Variants in SAP130 observed in about 807,000 individuals in gnomAD.
SAP130 encodes Sin3A associated protein 130.
In SAP130, 16 loss-of-function variants were observed where a neutral mutation model predicts 103.2. The observed-to-expected ratio is 0.16, with a 90% CI of 0.10 to 0.24. The LOEUF is 0.24. Ranked by LOEUF, SAP130 falls within the 10% of genes least tolerant of loss-of-function variation. The probability of loss-of-function intolerance (pLI) is 1.00; values close to 1 mark genes in which losing one functional copy is unlikely to be tolerated. For missense variants in SAP130, 990 were observed against 1,359.7 expected (o/e 0.73, Z 4.28); for synonymous variants, 477 against 497.0 (o/e 0.96, Z 0.53).
intron 4 of SAP130, 141 bp from the exon 5 acceptor site, chr2:128,015,055 T>C (rs1684674338): frequency 1.6e-6 from 1 of 638,380 alleles, no homozygotes; most frequent in South Asian, 1.9e-5. Context: ...GACATTCAGC[T>C]TGAGCTACTT....
intron 1 of SAP130, 83 bp downstream of exon 1, chr2:128,027,857 C>A: frequency 1.1e-6 from 1 of 886,064 alleles, no homozygotes; most frequent in South Asian, 5.2e-5. Flanking sequence ...GGACGCGCAA[C>A]GGGACGGACG....
intron 16 of SAP130, 85 bp downstream of exon 16, chr2:127,954,901 T>C: frequency 9.2e-7 from 1 of 1,089,990 alleles, no homozygotes; most frequent in Non-Finnish European, 1.3e-6. Flanking sequence ...TGGCTGAGGG[T>C]TACAGAAGAA....
chr2:127,969,967 C>A (rs535250986), intron 15 of SAP130, among the ~76,000 whole-genome samples: 3 of 152,056 alleles, frequency 2.0e-5, no homozygotes, highest in Non-Finnish European at 4.4e-5. Context: ...CAGTGGCTCA[C>A]GCCTGTAATA....
chr2:127,957,618 A>G (rs1018081076), intron 15 of SAP130, among the ~76,000 whole-genome samples: 1 of 151,920 alleles, frequency 6.6e-6, no homozygotes, highest in African/African-American at 2.4e-5. Context: ...TGAGGCCGCA[A>G]TGAGTTATGA....
Position 127,945,388 on chromosome 2 carries a change from GAA to G in SAP130, c.2901+66_2901+67del, listed in dbSNP as rs1679004831. 8.5e-6 allele frequency: 8 copies of G among 942,746 alleles called. No homozygotes were observed. In the Admixed American group the frequency reaches 1.5e-4, roughly 18 times the overall value. 58.4% of individuals were successfully genotyped at this position (942,746 alleles called of 1,614,324 possible). A position where few individuals can be genotyped will look rare whatever the true frequency, so the allele number is the denominator to read the frequency against. ...CAGAGTTACTTTTAAAAAGTTCTAT[GAA>G]CTCAGCTATCTGCAGTGTCTTCTCC... On this transcript the variant is annotated intron_variant, in intron 19 of 20. Transcript: ENST00000643581.
At chr2:128,009,850 G>C (rs1684255607) in intron 7 of SAP130, among the ~76,000 whole-genome samples, 1 of 152,076 alleles carries the variant, frequency 6.6e-6, no homozygotes, top group Non-Finnish European at 1.5e-5. Flanking sequence ...CCACTGCCTA[G>C]AATACTCTTC....
At chr2:127,962,163 C>T (rs961517324) in intron 15 of SAP130, among the ~76,000 whole-genome samples, 5 of 152,172 alleles carry the variant, frequency 3.3e-5, no homozygotes, top group African/African-American at 1.2e-4. Flanking sequence ...ACCCAATTAT[C>T]CACAGCTCTT....
chr2:128,014,481 C>A (rs1684630660), intron 5 of SAP130, among the ~76,000 whole-genome samples: 1 of 152,026 alleles, frequency 6.6e-6, no homozygotes, highest in Non-Finnish European at 1.5e-5. Flanking sequence ...GGACTACAGA[C>A]GCATGCCACC....
intron 7 of SAP130, 92 bp from the exon 8 acceptor site, chr2:128,000,546 CTAT>C: frequency 6.9e-7 from 1 of 1,441,190 alleles, no homozygotes; most frequent in African/African-American, 1.4e-5. Context: ...TTTCATAGGT[CTAT>C]GAAGTTCGGA....
chr2:128,006,448 T>C (rs915549788), intron 7 of SAP130, among the ~76,000 whole-genome samples: 4 of 152,222 alleles, frequency 2.6e-5, no homozygotes, highest in Non-Finnish European at 5.9e-5. Context: ...TTATCACTGA[T>C]TTATCTGGCC....
At chr2:127,944,804 AGAG>A (rs1400286929) in intron 19 of SAP130, among the ~76,000 whole-genome samples, 2 of 150,278 alleles carry the variant, frequency 1.3e-5, no homozygotes, top group Non-Finnish European at 3.0e-5. Flanking sequence ...TGCTGAGGTG[AGAG>A]GATTAACTTA....
intron 14 of SAP130, among the ~76,000 whole-genome samples, chr2:127,980,899 A>ACAACAACAG (rs753126108): frequency 4.6e-5 from 7 of 151,450 alleles, no homozygotes; most frequent in Non-Finnish European, 1.0e-4. Flanking sequence ...CCCCATCTCA[A>ACAACAACAG]CAACAACAAC....
intron 15 of SAP130, among the ~76,000 whole-genome samples, chr2:127,976,018 G>C (rs1451981000): frequency 1.3e-5 from 2 of 152,028 alleles, no homozygotes; most frequent in African/African-American, 4.8e-5. Flanking sequence ...CTAATTTTTT[G>C]TGTGTTTTTA....
chr2:128,023,888 T>C (rs1261567653), intron 2 of SAP130, among the ~76,000 whole-genome samples: 1 of 150,356 alleles, frequency 6.7e-6, no homozygotes, highest in African/African-American at 2.4e-5. Context: ...TGAGTTGTTA[T>C]GGAAGATAGA....
intron 15 of SAP130, among the ~76,000 whole-genome samples, chr2:127,972,088 T>C (rs1242115261): frequency 2.0e-5 from 3 of 152,196 alleles, no homozygotes; most frequent in African/African-American, 4.8e-5. Context: ...GTGCCACAGA[T>C]TGACTACTGC....
chr2:128,015,929 A>G (rs1559101321), intron 4 of SAP130, among the ~76,000 whole-genome samples: 1 of 144,642 alleles, frequency 6.9e-6, no homozygotes, highest in Non-Finnish European at 1.5e-5. Context: ...TGACACCGTG[A>G]GATTCTGTCT....
intron 15 of SAP130, among the ~76,000 whole-genome samples, chr2:127,970,211 G>A (rs1345815747): frequency 8.1e-6 from 1 of 123,582 alleles, no homozygotes; most frequent in Admixed American, 8.9e-5. Context: ...CTGGGTGGGA[G>A]ACTCCGTCTC....
intron 14 of SAP130, among the ~76,000 whole-genome samples, chr2:127,984,864 T>C (rs1307443857): frequency 6.6e-6 from 1 of 152,218 alleles, no homozygotes; most frequent in Non-Finnish European, 1.5e-5. Flanking sequence ...ATGGCATAGG[T>C]AGAAAATGGG....
Position 127,950,148 on chromosome 2 carries a change from T to C in SAP130, c.2671+12A>G. On this transcript the variant is annotated intron_variant, in intron 17 of 20. Coordinates refer to ENST00000643581, the MANE Select transcript of SAP130 (RefSeq NM_001330301.2). Reference sequence around the variant, plus strand: ...GGAAGCATCATAACACAAGTCAGCCTGTGACCATTACCAATATACTCCTTG... The same window carrying C: ...GGAAGCATCATAACACAAGTCAGCCCGTGACCATTACCAATATACTCCTTG... The C allele has an allele frequency of 6.2e-7, 1 of 1,614,160 alleles. No homozygotes were observed. The highest frequency in any genetic ancestry group is 2.2e-5 in the East Asian group (1 of 44,894).
Sources: allele counts gnomAD v4.1 joint callset (sites outside exome capture counted in the v4.1 genomes callset), GRCh38; gene constraint gnomAD v4.1.1; transcripts MANE v1.5; gene names NCBI Gene and HGNC (gene_info 2026-07-23, HGNC 2026-07-21).